The following FCHSD2 variants were observed in gnomAD, a reference collection of about 807,000 sequenced individuals.
FCHSD2 encodes the protein F-BAR and double SH3 domains protein 2.
FCHSD2 carries 38 observed loss-of-function variants against 108.1 expected under a neutral mutation model. The observed-to-expected ratio is 0.35, with a 90% CI of 0.27 to 0.46. FCHSD2 has a LOEUF of 0.46. Among genes scored for constraint, FCHSD2 ranks in the 20% least tolerant of loss-of-function variants. The pLI is 1.00. For missense variants in FCHSD2, 751 were observed against 897.8 expected (o/e 0.84, Z 2.09); for synonymous variants, 279 against 314.7 (o/e 0.89, Z 1.20).
intron 8 of FCHSD2, among the ~76,000 whole-genome samples, chr11:72,964,147 G>T (rs910151639): frequency 3.9e-5 from 6 of 152,106 alleles, no homozygotes; most frequent in African/African-American, 1.4e-4. Context: ...TTTCTCTAAA[G>T]ATTGAAATGA....
intron 2 of FCHSD2, among the ~76,000 whole-genome samples, chr11:73,131,392 G>C (rs1860997192): frequency 6.6e-6 from 1 of 151,452 alleles, no homozygotes; most frequent in Non-Finnish European, 1.5e-5. Context: ...AGCCAGGCAT[G>C]GTGGCGGGCA....
At chr11:72,902,360 C>T (rs1462006554) in intron 10 of FCHSD2, among the ~76,000 whole-genome samples, 183 bp downstream of exon 10, 1 of 152,064 alleles carries the variant, frequency 6.6e-6, no homozygotes, top group Non-Finnish European at 1.5e-5. Flanking sequence ...AGCATAAAGA[C>T]ACTGAGTTTC....
intron 3 of FCHSD2, among the ~76,000 whole-genome samples, chr11:73,074,487 A>G (rs762168310): frequency 3.3e-5 from 5 of 152,238 alleles, no homozygotes; most frequent in African/African-American, 4.8e-5. Flanking sequence ...CTAAATGTGA[A>G]ATATTAAACA....
At chr11:73,128,349 C>A (rs1860908310) in intron 2 of FCHSD2, among the ~76,000 whole-genome samples, 1 of 152,072 alleles carries the variant, frequency 6.6e-6, no homozygotes, top group Admixed American at 6.6e-5. Flanking sequence ...GCAAATCAGG[C>A]AAAACAATAA....
At chr11:72,846,053 T>C (rs1484461782) in intron 14 of FCHSD2, among the ~76,000 whole-genome samples, 1 of 1,532 alleles carries the variant, frequency 6.5e-4, no homozygotes, top group Non-Finnish European at 1.4e-3. Context: ...TACAAATAAA[T>C]AGATAGATAG....
At chr11:73,103,661 T>A (rs371311109) in intron 2 of FCHSD2, among the ~76,000 whole-genome samples, 1 of 152,062 alleles carries the variant, frequency 6.6e-6, no homozygotes, top group African/African-American at 2.4e-5. Context: ...AACCTACACA[T>A]AAAATACAGA....
intron 9 of FCHSD2, among the ~76,000 whole-genome samples, chr11:72,910,829 A>T (rs1312020746): frequency 4.5e-5 from 2 of 44,084 alleles, no homozygotes; most frequent in South Asian, 4.5e-4. Flanking sequence ...ATAAATACTA[A>T]AAAAAAAAAA....
At chr11:72,983,258 C>T (rs979084631) in intron 8 of FCHSD2, among the ~76,000 whole-genome samples, 15 of 150,224 alleles carry the variant, frequency 1.0e-4, no homozygotes, top group African/African-American at 3.7e-4. Context: ...CCCGCCACTG[C>T]ACTCCAGCCT....
At chr11:73,032,134 T>G (rs988421759) in intron 3 of FCHSD2, among the ~76,000 whole-genome samples, 1 of 152,188 alleles carries the variant, frequency 6.6e-6, no homozygotes, top group Non-Finnish European at 1.5e-5. Context: ...TTAAAAAACA[T>G]GTAAGCATAT....
intron 10 of FCHSD2, chr11:72,900,448 C>T (rs1855504318): frequency 1.5e-6 from 1 of 663,894 alleles, no homozygotes; most frequent in Non-Finnish European, 2.6e-6. Context: ...AGATTTAGGG[C>T]TGCAGTTGGG....
chr11:72,868,104 C>A, intron 12 of FCHSD2, 78 bp from the exon 13 acceptor site: 1 of 1,334,830 alleles, frequency 7.5e-7, no homozygotes. Context: ...AACCCAAATG[C>A]CCATCAATGA....
chr11:72,966,925 G>A (rs1038204400), intron 8 of FCHSD2, among the ~76,000 whole-genome samples: 9 of 152,150 alleles, frequency 5.9e-5, no homozygotes, highest in Non-Finnish European at 1.0e-4. Context: ...GTGGCCGGGC[G>A]CGGTGGCTCA....
intron 9 of FCHSD2, among the ~76,000 whole-genome samples, chr11:72,919,002 T>C (rs1353603916): frequency 6.6e-6 from 1 of 152,198 alleles, no homozygotes; most frequent in Non-Finnish European, 1.5e-5. Context: ...GGGCCATCTG[T>C]TTCCATTTAG....
chr11:72,965,133 T>G (rs1340907868), intron 8 of FCHSD2, among the ~76,000 whole-genome samples: 11 of 152,114 alleles, frequency 7.2e-5, no homozygotes. Context: ...AGATCCCCAT[T>G]GCCTGTAGAA....
At chr11:72,935,210 T>C (rs1196435464) in intron 8 of FCHSD2, among the ~76,000 whole-genome samples, 8 of 152,188 alleles carry the variant, frequency 5.3e-5, no homozygotes, top group Admixed American at 5.2e-4. Context: ...TAGAACTTGT[T>C]TGAAGAAGAA....
chr11:72,965,654 T>C (rs10898893), intron 8 of FCHSD2, among the ~76,000 whole-genome samples: 29,824 of 152,134 alleles, frequency 0.2, 3,267 homozygotes, highest in East Asian at 0.48. Context: ...GTAATTACCA[T>C]CCAGATCAAG....
chr11:73,091,240 T>C (rs1005459159), intron 2 of FCHSD2, among the ~76,000 whole-genome samples: 1 of 152,236 alleles, frequency 6.6e-6, no homozygotes, highest in Non-Finnish European at 1.5e-5. Flanking sequence ...TAAATCTGTA[T>C]GTAAAGACAC....
chr11:73,042,245 G>A (rs1858657787), intron 3 of FCHSD2, among the ~76,000 whole-genome samples: 1 of 151,840 alleles, frequency 6.6e-6, no homozygotes, highest in Non-Finnish European at 1.5e-5. Flanking sequence ...TTAAACTCTG[G>A]TGAAAGACAG....
rs1419513455 is a variant in FCHSD2 at position 73,068,827 on chromosome 11, A to AG, written c.165+14867_165+14868insC. On this transcript the variant is annotated intron_variant, in intron 3 of 19. Transcript: ENST00000409418. ...TCTACAAAAAGTAAAAAAAAAAAAAAAAAAAGAAAAAGAAAAAAAAATTAA... is the reference window on the plus strand; with the variant it reads ...TCTACAAAAAGTAAAAAAAAAAAAAAGAAAAAGAAAAAGAAAAAAAAATTAA... Among the ~76,000 whole-genome samples the AG allele has an allele frequency of 1.3e-4, 19 of 149,962 alleles. No individual in the cohort carries two copies. The East Asian group carries it at 1.6e-3, about 12-fold the overall frequency.
Sources: allele counts gnomAD v4.1 joint callset (sites outside exome capture counted in the v4.1 genomes callset), GRCh38; gene constraint gnomAD v4.1.1; transcripts MANE v1.5; gene names NCBI Gene and HGNC (gene_info 2026-07-23, HGNC 2026-07-21).